Variants in RNF130 observed in about 807,000 individuals in gnomAD.
The protein encoded by RNF130 is ring finger protein 130.
In RNF130, 21 loss-of-function variants were observed where a neutral mutation model predicts 44.6. The observed-to-expected ratio is 0.47, with a 90% CI of 0.33 to 0.68. The LOEUF (loss-of-function observed/expected upper bound fraction) is 0.68. Among genes scored for constraint, RNF130 ranks in the 30% least tolerant of loss-of-function variants. RNF130 has a pLI of 0.02. For missense variants in RNF130, 479 were observed against 560.6 expected, an observed-to-expected ratio of 0.85 and a Z score of 1.47; for synonymous variants, 214 against 210.4, an observed-to-expected ratio of 1.02 and a Z score of -0.15.
At chr5:179,969,419 C>T (rs932396405) in intron 6 of RNF130, among the ~76,000 whole-genome samples, 49 of 151,912 alleles carry the variant, frequency 3.2e-4, no homozygotes, top group African/African-American at 1.2e-3. Flanking sequence ...GCAATGACAT[C>T]GTTTTATATT....
chr5:179,951,170 C>G (rs946461928), downstream of RNF130, among the ~76,000 whole-genome samples: 1 of 152,170 alleles, frequency 6.6e-6, no homozygotes, highest in South Asian at 2.1e-4. Flanking sequence ...TCTTCAACCC[C>G]GTATGCACCT....
At chr5:179,995,138 G>C (rs983536600) in intron 3 of RNF130, among the ~76,000 whole-genome samples, 11 of 152,150 alleles carry the variant, frequency 7.2e-5, no homozygotes, top group African/African-American at 2.7e-4. Context: ...TTGCATCAAT[G>C]TCCCAGCACA....
intron 1 of RNF130, among the ~76,000 whole-genome samples, chr5:180,058,283 C>A (rs566548914): frequency 6.6e-6 from 1 of 152,106 alleles, no homozygotes; most frequent in East Asian, 1.9e-4. Flanking sequence ...TGCAGACTTA[C>A]GGTTGTGTAT....
chr5:179,999,548 C>T (rs1413172797), intron 3 of RNF130, among the ~76,000 whole-genome samples: 1 of 151,828 alleles, frequency 6.6e-6, no homozygotes, highest in Non-Finnish European at 1.5e-5. Flanking sequence ...ACGGTGAAAC[C>T]CTGTCTCTAC....
chr5:180,012,076 C>G (rs1329031391), intron 3 of RNF130, among the ~76,000 whole-genome samples: 2 of 152,112 alleles, frequency 1.3e-5, no homozygotes, highest in South Asian at 2.1e-4. Flanking sequence ...TGTTTTATAT[C>G]TACTTTCAGA....
At chr5:179,999,899 C>T (rs930101842) in intron 3 of RNF130, among the ~76,000 whole-genome samples, 1 of 152,022 alleles carries the variant, frequency 6.6e-6, no homozygotes, top group Non-Finnish European at 1.5e-5. Flanking sequence ...TTTTTAATTG[C>T]CTCTGGTTGT....
intron 7 of RNF130, among the ~76,000 whole-genome samples, chr5:179,936,405 T>C (rs1333742334): frequency 6.6e-6 from 1 of 152,216 alleles, no homozygotes; most frequent in African/African-American, 2.4e-5. Context: ...ATTTTAATTT[T>C]TTTTGTAGAG....
chr5:179,912,079 C>T (rs141075887), exon 8 of RNF130: 180 of 152,306 alleles, frequency 1.2e-3, no homozygotes, highest in African/African-American at 4.0e-3. Flanking sequence ...TCCCAAGCCT[C>T]CCCACCCCCA....
At chr5:180,059,466 G>A (rs570944270) in intron 1 of RNF130, among the ~76,000 whole-genome samples, 9 of 152,314 alleles carry the variant, frequency 5.9e-5, no homozygotes, top group African/African-American at 2.2e-4. Context: ...GGAACTTCCT[G>A]TCCTGTCTGG....
intron 2 of RNF130, among the ~76,000 whole-genome samples, chr5:180,030,432 T>C (rs1764108284): frequency 6.6e-6 from 1 of 152,230 alleles, no homozygotes; most frequent in Non-Finnish European, 1.5e-5. Flanking sequence ...TGAGTAAAAT[T>C]ACAGGGATGT....
At chr5:179,920,908 A>G (rs1445517078) in intron 7 of RNF130, among the ~76,000 whole-genome samples, 1 of 151,268 alleles carries the variant, frequency 6.6e-6, no homozygotes, top group East Asian at 1.9e-4. Flanking sequence ...AATTTTTTTC[A>G]GTCTTAGACT....
chr5:179,951,613 T>C (rs929461476), downstream of RNF130, among the ~76,000 whole-genome samples: 1 of 152,170 alleles, frequency 6.6e-6, no homozygotes, highest in Non-Finnish European at 1.5e-5. Context: ...TCGATCAGAA[T>C]ATGTACATTC....
At chr5:180,040,786 C>T (rs1764390062) in intron 1 of RNF130, 139 bp from the exon 2 acceptor site, 2 of 681,054 alleles carry the variant, frequency 2.9e-6, no homozygotes, top group African/African-American at 1.8e-5. Flanking sequence ...ATGAATACAT[C>T]CACAAACAAT....
chr5:179,986,421 C>G (rs553352308), intron 3 of RNF130, among the ~76,000 whole-genome samples: 7 of 152,284 alleles, frequency 4.6e-5, no homozygotes, highest in African/African-American at 1.7e-4. Flanking sequence ...TCATACAGGT[C>G]CCATGGTGTA....
rs27016 is a variant in RNF130, at chr5:179,977,008, A to C, written c.848+1195T>G. 72,194 of 152,086 alleles carry C rather than the reference A, an allele frequency of 0.47. 18,301 individuals are homozygous for C. Among genetic ancestry groups the C allele is most frequent in the African/African-American group, 0.67 (27,849 of 41,474 alleles). 9.4% of individuals were successfully genotyped at this position (152,086 alleles called of 1,614,324 possible). On this transcript the variant is annotated intron_variant, in intron 5 of 8. Transcript: ENST00000521389. The surrounding 1 kb of genome is among the most constrained non-coding windows in gnomAD (Gnocchi z 4.1). ...AAACCAACATGCTGTTTCCAGGGCAACCAGGCACAGGCGAGTCCTTTCCTC... is the reference window on the plus strand; with the variant it reads ...AAACCAACATGCTGTTTCCAGGGCACCCAGGCACAGGCGAGTCCTTTCCTC...
chr5:180,011,721 T>C (rs1056576193), intron 3 of RNF130, among the ~76,000 whole-genome samples: 6 of 151,938 alleles, frequency 3.9e-5, no homozygotes, highest in African/African-American at 1.5e-4. Context: ...GAGCCATGAC[T>C]GCCACCACAC....
downstream of RNF130, among the ~76,000 whole-genome samples, chr5:179,950,383 T>C (rs538177589): frequency 9.9e-5 from 15 of 152,238 alleles, no homozygotes; most frequent in African/African-American, 3.6e-4. Flanking sequence ...TCCCAAAGTG[T>C]TGGGATTACA....
intron 1 of RNF130, among the ~76,000 whole-genome samples, chr5:180,066,971 G>A (rs1285688748): frequency 6.6e-6 from 1 of 152,250 alleles, no homozygotes; most frequent in African/African-American, 2.4e-5. Flanking sequence ...CAAGGCTACA[G>A]TGAGCTATGA....
chr5:179,938,665 T>C (rs757199197), intron 7 of RNF130, among the ~76,000 whole-genome samples: 2 of 152,198 alleles, frequency 1.3e-5, no homozygotes, highest in Non-Finnish European at 2.9e-5. Flanking sequence ...TAAATAATTG[T>C]CAAAATTAAG....
Sources: gnomAD v4.1 joint callset for allele counts (sites outside exome capture counted in the v4.1 genomes callset) on GRCh38, gnomAD v4.1.1 for gene constraint, Gnocchi (gnomAD v3.1) non-coding constraint, MANE v1.5 for transcripts, NCBI Gene and HGNC (gene_info 2026-07-23, HGNC 2026-07-21) for gene names.